Variants in AGBL3 observed in about 807,000 individuals in gnomAD.
AGBL3 encodes the protein AGBL carboxypeptidase 3.
AGBL3 carries 68 observed loss-of-function variants against 94.5 expected under a neutral mutation model. That is an observed-to-expected ratio of 0.72 (90% CI 0.59 to 0.88). The LOEUF (loss-of-function observed/expected upper bound fraction) is 0.88, where lower values mean the gene tolerates loss of function less well. AGBL3 is among the 40% of genes least tolerant of loss of function. The pLI, the probability that AGBL3 is intolerant of heterozygous loss-of-function variation, is 0.00. For missense variants in AGBL3, 934 were observed against 1,103.8 expected, an observed-to-expected ratio of 0.85 and a Z score of 2.18; for synonymous variants, 354 against 370.7, an observed-to-expected ratio of 0.95 and a Z score of 0.52.
chr7:134,998,541 T>C (rs1811295356), intron 4 of AGBL3, among the ~76,000 whole-genome samples: 1 of 152,232 alleles, frequency 6.6e-6, no homozygotes, highest in Non-Finnish European at 1.5e-5. Context: ...GCTTAGCCAC[T>C]GTCCTGGTCT....
At chr7:135,121,113 G>A (rs1180947411) in intron 16 of AGBL3, among the ~76,000 whole-genome samples, 1 of 152,192 alleles carries the variant, frequency 6.6e-6, no homozygotes, top group Non-Finnish European at 1.5e-5. Context: ...GCTGAGGCAG[G>A]AGAATCACTT....
intron 5 of AGBL3, among the ~76,000 whole-genome samples, chr7:135,019,453 CTT>C (rs1164613979): frequency 2.0e-5 from 3 of 151,972 alleles, no homozygotes; most frequent in Non-Finnish European, 1.5e-5. Flanking sequence ...TTTCAAGAAA[CTT>C]TATTCTTTTC....
At chr7:135,096,064 A>C (rs867771853) in intron 15 of AGBL3, among the ~76,000 whole-genome samples, 3 of 151,954 alleles carry the variant, frequency 2.0e-5, no homozygotes, top group African/African-American at 7.3e-5. Flanking sequence ...AGGCAGGAGA[A>C]TTGCTTGAAC....
At chr7:135,030,764 CCT>C (rs1040340602) in intron 5 of AGBL3, among the ~76,000 whole-genome samples, 8 of 151,564 alleles carry the variant, frequency 5.3e-5, no homozygotes, top group African/African-American at 1.7e-4. Context: ...CATTTTTTTC[CCT>C]GTCTTTCAGT....
chr7:135,102,814 T>A (rs1171088849), intron 15 of AGBL3, among the ~76,000 whole-genome samples: 2 of 152,044 alleles, frequency 1.3e-5, no homozygotes, highest in African/African-American at 4.8e-5. Flanking sequence ...GCTAAAATCA[T>A]AAAAACTTAT....
At chr7:135,072,373 A>C (rs1004036494) in intron 12 of AGBL3, among the ~76,000 whole-genome samples, 4 of 152,230 alleles carry the variant, frequency 2.6e-5, no homozygotes, top group African/African-American at 9.6e-5. Flanking sequence ...TCAGGGATCC[A>C]GAACTAGAAA....
chr7:135,052,306 AGT>A (rs1462073358), intron 11 of AGBL3, among the ~76,000 whole-genome samples: 1 of 152,178 alleles, frequency 6.6e-6, no homozygotes, highest in Non-Finnish European at 1.5e-5. Context: ...TAGATTTTTC[AGT>A]ACATAGGGGT....
At chr7:135,121,643 G>A (rs1827146223) in intron 16 of AGBL3, among the ~76,000 whole-genome samples, 1 of 151,958 alleles carries the variant, frequency 6.6e-6, no homozygotes, top group Non-Finnish European at 1.5e-5. Flanking sequence ...ATGGGGCCAA[G>A]ATGGCTGACT....
chr7:135,031,421 G>A (rs1397411162), intron 5 of AGBL3, among the ~76,000 whole-genome samples: 2 of 151,954 alleles, frequency 1.3e-5, no homozygotes, highest in African/African-American at 4.8e-5. Flanking sequence ...CACTACACCG[G>A]CTAATTTTTG....
intron 4 of AGBL3, among the ~76,000 whole-genome samples, chr7:135,003,387 G>C (rs1811968710): frequency 6.6e-6 from 1 of 151,922 alleles, no homozygotes; most frequent in Admixed American, 6.6e-5. Context: ...GTATAATTCT[G>C]TTGTGTGATA....
rs1341538782 is a variant in AGBL3 at position 135,011,556 on chromosome 7, T to C, written c.311-5496T>C. ...GGAATACATAAAGCATTTCTGAAAG[T>C]AATAAGAAAAGACAAACAACCCAGT... On this transcript the variant is annotated intron_variant, in intron 4 of 16. Transcript: ENST00000436302. 4 of 152,252 alleles carry C rather than the reference T, an allele frequency of 2.6e-5. No homozygotes were observed. The East Asian group carries it at 7.7e-4, about 29-fold the overall frequency. The allele number at this position is 152,252 out of a possible 1,614,324, so 9.4% of individuals were successfully genotyped here.
At chr7:135,128,844 T>A in intron 16 of AGBL3, 1 of 1,200,466 alleles carries the variant, frequency 8.3e-7, no homozygotes, top group East Asian at 2.3e-5. Flanking sequence ...GGATGTGGAA[T>A]CATTGTTAAA....
intron 12 of AGBL3, among the ~76,000 whole-genome samples, chr7:135,072,287 G>A (rs1267513889): frequency 1.3e-5 from 2 of 152,226 alleles, no homozygotes; most frequent in East Asian, 3.9e-4. Context: ...AGGATGTGGA[G>A]AAATAGGAAC....
At chr7:134,987,111 G>A (rs1343601263) in intron 1 of AGBL3, among the ~76,000 whole-genome samples, 1 of 152,262 alleles carries the variant, frequency 6.6e-6, no homozygotes, top group Non-Finnish European at 1.5e-5. Flanking sequence ...TGTCATCTAT[G>A]AGACAGTCGG....
intron 12 of AGBL3, among the ~76,000 whole-genome samples, chr7:135,070,377 A>C (rs1819779981): frequency 6.6e-6 from 1 of 152,234 alleles, no homozygotes; most frequent in Non-Finnish European, 1.5e-5. Context: ...TCATTTTATG[A>C]GGCCAGCATC....
intron 5 of AGBL3, among the ~76,000 whole-genome samples, chr7:135,022,336 T>A (rs1220001750): frequency 6.6e-6 from 1 of 152,188 alleles, no homozygotes; most frequent in African/African-American, 2.4e-5. Flanking sequence ...CTGTTGTTTC[T>A]TGACTTTTTA....
chr7:135,065,810 G>A (rs1362696741), intron 12 of AGBL3, among the ~76,000 whole-genome samples: 1 of 152,148 alleles, frequency 6.6e-6, no homozygotes, highest in East Asian at 1.9e-4. Flanking sequence ...GAGGATCAAT[G>A]AGCCTGGGAG....
Position 135,034,622 on chromosome 7 carries a change from C to G in AGBL3, c.1031C>G (p.Thr344Ser). The G allele has an allele frequency of 6.4e-7, 1 of 1,551,658 alleles. No homozygotes were observed. The highest frequency in any genetic ancestry group is 8.7e-7 in the Non-Finnish European group (1 of 1,146,952). The part of the protein sequence containing the change: ...RNMVYILTIT[T>S]PLKNSDSRKR... ...ATGGTGTATATTTTAACAATCACTA[C>G]CCCCTTGAAGAACTCTGACTCAAGA... Residue 344 changes from threonine to serine, a missense_variant, in exon 7 of 17, where the codon ACC becomes AGC. This residue lies in a region of AGBL3 where 488 missense variants were observed against 563.6 expected (regional missense o/e 0.87). Transcript: ENST00000436302.
Position 135,134,987 on chromosome 7 carries a change from T to C in AGBL3, c.2489T>C (p.Leu830Ser), listed in dbSNP as rs1017717921. Residue 830 changes from leucine to serine, a missense_variant, in exon 17 of 17, where the codon TTA (leucine) becomes TCA (serine). By Grantham distance (145) the Leu-to-Ser change is moderately radical. This residue lies in a region of AGBL3 where 441 missense variants were observed against 518.2 expected (regional missense o/e 0.85). Coordinates refer to ENST00000436302, the MANE Select transcript of AGBL3 (RefSeq NM_178563.4). ...QSKPHRSLES[L>S]SPLKGPKKNK... ...AAGCCCCACAGGTCATTGGAAAGTT[T>C]ATCACCTCTCAAAGGCCCCAAGAAG... is the stretch of plus-strand genomic sequence containing the variant. 1 of 1,551,232 alleles carries C rather than the reference T, an allele frequency of 6.4e-7. No homozygotes were observed.
Sources: gnomAD v4.1 joint callset for allele counts (sites outside exome capture counted in the v4.1 genomes callset) on GRCh38, gnomAD v4.1.1 for gene constraint, gnomAD v4.1.1 regional missense constraint, MANE v1.5 for transcripts, NCBI Gene and HGNC (gene_info 2026-07-23, HGNC 2026-07-21) for gene names.